The following NME7 variants were observed in gnomAD, a reference collection of about 807,000 sequenced individuals.
The protein encoded by NME7 is nucleoside diphosphate kinase 7.
In NME7, 41 loss-of-function variants were observed where a neutral mutation model predicts 49.1. The ratio of observed to expected loss-of-function variants is 0.83; its 90% confidence interval spans 0.65 to 1.08. The LOEUF (loss-of-function observed/expected upper bound fraction) is 1.08. NME7 is among the 50% of genes least tolerant of loss of function. NME7 has a pLI of 0.00. For synonymous variants in NME7, 139 were observed against 150.6 expected (o/e 0.92, Z 0.56); for missense variants, 423 against 463.4 (o/e 0.91, Z 0.80).
rs553340926 is a variant in NME7, at chr1:169,282,405, G to A, written c.754+4898C>T. 7.1e-4 allele frequency among the ~76,000 whole-genome samples: 108 copies of A among 152,064 alleles called. 1 individual carries two copies. The highest frequency in any genetic ancestry group is 3.4e-3 in the Middle Eastern group (1 of 294). Reference sequence around the variant, plus strand: ...TGATTTTTTCAAAAAACCAGTTCACGGATTCATTGATTTTTTGAAGGGTTT... The same window carrying A: ...TGATTTTTTCAAAAAACCAGTTCACAGATTCATTGATTTTTTGAAGGGTTT... On this transcript the variant is annotated intron_variant, in intron 7 of 11. Coordinates refer to ENST00000367811, the MANE Select transcript of NME7 (RefSeq NM_013330.5).
At chr1:169,290,573 C>T (rs1039881329) in intron 6 of NME7, among the ~76,000 whole-genome samples, 1 of 152,034 alleles carries the variant, frequency 6.6e-6, no homozygotes. Flanking sequence ...AGAAGAAAAC[C>T]TCAGCAATAT....
chr1:169,137,697 T>G (rs904774039), intron 11 of NME7, among the ~76,000 whole-genome samples: 13 of 152,202 alleles, frequency 8.5e-5, no homozygotes, highest in Non-Finnish European at 1.6e-4. Context: ...TCCAAGGCAC[T>G]ACTTACTTTT....
At chr1:169,261,821 T>A (rs1649174338) in intron 7 of NME7, among the ~76,000 whole-genome samples, 1 of 133,510 alleles carries the variant, frequency 7.5e-6, no homozygotes, top group East Asian at 2.0e-4. Flanking sequence ...GATTCTAAAA[T>A]TAGGGTCCAT....
At chr1:169,243,634 T>C (rs1200930778) in intron 7 of NME7, among the ~76,000 whole-genome samples, 2 of 152,184 alleles carry the variant, frequency 1.3e-5, no homozygotes, top group Non-Finnish European at 2.9e-5. Flanking sequence ...TTCTCTTGCC[T>C]CTTTCACCAT....
chr1:169,281,306 T>C (rs951255950), intron 7 of NME7, among the ~76,000 whole-genome samples: 1 of 152,218 alleles, frequency 6.6e-6, no homozygotes, highest in Non-Finnish European at 1.5e-5. Context: ...TGATTTTGTA[T>C]CCTGAGACTT....
chr1:169,221,610 T>C (rs948696510), intron 10 of NME7, among the ~76,000 whole-genome samples: 3 of 151,956 alleles, frequency 2.0e-5, no homozygotes, highest in African/African-American at 2.4e-5. Context: ...CATACAAATA[T>C]ATGGAAATAT....
intron 6 of NME7, 46 bp downstream of exon 6, chr1:169,298,510 T>C: frequency 1.3e-6 from 2 of 1,572,982 alleles, no homozygotes; most frequent in Non-Finnish European, 1.7e-6. Flanking sequence ...ATATAAAACA[T>C]TTAACAGAAC....
intron 1 of NME7, among the ~76,000 whole-genome samples, chr1:169,366,275 CT>C (rs1483823370): frequency 6.6e-6 from 1 of 152,172 alleles, no homozygotes; most frequent in Non-Finnish European, 1.5e-5. Flanking sequence ...GAAGTAATTA[CT>C]GTATTTGGTA....
intron 10 of NME7, among the ~76,000 whole-genome samples, chr1:169,177,399 C>T (rs1234164572): frequency 6.6e-6 from 1 of 152,006 alleles, no homozygotes; most frequent in Admixed American, 6.5e-5. Flanking sequence ...AACATATTGT[C>T]CAAAAAGCAG....
intron 6 of NME7, among the ~76,000 whole-genome samples, chr1:169,291,781 C>T (rs1002380935): frequency 3.9e-5 from 6 of 151,970 alleles, no homozygotes; most frequent in African/African-American, 1.5e-4. Context: ...GCTGAAGGCT[C>T]AGATGATTGT....
chr1:169,285,360 T>G (rs985229254), intron 7 of NME7: 1 of 152,130 alleles, frequency 6.6e-6, no homozygotes, highest in Non-Finnish European at 1.5e-5. Flanking sequence ...CACATACACA[T>G]ACACAATCTC....
At chr1:169,216,043 A>G (rs768806359) in intron 10 of NME7, among the ~76,000 whole-genome samples, 2 of 152,244 alleles carry the variant, frequency 1.3e-5, no homozygotes, top group Non-Finnish European at 2.9e-5. Context: ...GAGCATACAT[A>G]CTGTACCTGA....
At chr1:169,311,778 G>A (rs1346350126) in intron 3 of NME7, among the ~76,000 whole-genome samples, 2 of 152,088 alleles carry the variant, frequency 1.3e-5, no homozygotes, top group African/African-American at 4.8e-5. Flanking sequence ...TAAACAAGAA[G>A]CAATGTGAAA....
intron 7 of NME7, among the ~76,000 whole-genome samples, chr1:169,272,136 A>T (rs1461159126): frequency 7.5e-6 from 1 of 132,602 alleles, no homozygotes; most frequent in East Asian, 2.0e-4. Flanking sequence ...TCAAATATAA[A>T]TATATAAAAT....
At position 169,312,423 on chromosome 1, in the gene NME7, A is replaced by G. The variant is rs113750241; in HGVS notation, c.279-2343T>C. 3.5e-3 allele frequency among the ~76,000 whole-genome samples: 531 copies of G among 152,342 alleles called. 4 individuals carry two copies. Among genetic ancestry groups the G allele is most frequent in the African/African-American group, 0.012 (507 of 41,570 alleles). On this transcript the variant is annotated intron_variant, in intron 3 of 11. Coordinates refer to ENST00000367811, the MANE Select transcript of NME7 (RefSeq NM_013330.5). ...TTCATTGAGAGCCATCAGTGTAACAATCTACCACTTAGTAATCCTCTTGCC... is the reference window on the plus strand; with the variant it reads ...TTCATTGAGAGCCATCAGTGTAACAGTCTACCACTTAGTAATCCTCTTGCC...
At chr1:169,267,126 G>A (rs577839980) in intron 7 of NME7, among the ~76,000 whole-genome samples, 2 of 132,354 alleles carry the variant, frequency 1.5e-5, no homozygotes, top group South Asian at 2.3e-4. Context: ...CTTACACAGC[G>A]CCCAAGCTGA....
intron 7 of NME7, among the ~76,000 whole-genome samples, chr1:169,277,027 G>C (rs1285652040): frequency 3.3e-5 from 5 of 150,300 alleles, no homozygotes; most frequent in Admixed American, 1.3e-4. Context: ...CTGAGTTCTA[G>C]TTTGATTGCA....
intron 11 of NME7, among the ~76,000 whole-genome samples, chr1:169,165,361 C>G (rs1659380079): frequency 1.3e-5 from 2 of 151,856 alleles, no homozygotes; most frequent in South Asian, 4.2e-4. Context: ...TAAACTGAAG[C>G]CATACTTTCT....
chr1:169,273,013 A>C (rs993918715), intron 7 of NME7, among the ~76,000 whole-genome samples: 2 of 133,586 alleles, frequency 1.5e-5, no homozygotes, highest in Non-Finnish European at 3.5e-5. Flanking sequence ...ATGGTATCTC[A>C]TTGTGGTTTT....
Sources: allele counts gnomAD v4.1 joint callset (sites outside exome capture counted in the v4.1 genomes callset), GRCh38; gene constraint gnomAD v4.1.1; transcripts MANE v1.5; gene names NCBI Gene and HGNC (gene_info 2026-07-23, HGNC 2026-07-21).